APBB2: variants seen among roughly 807,000 people sequenced by gnomAD.
APBB2 encodes the protein amyloid beta precursor protein binding family B member 2, also known as Fe65-like 1.
Under a neutral mutation model 82.5 loss-of-function variants are expected in APBB2, and 38 were observed. The observed-to-expected ratio is 0.46, with a 90% CI of 0.36 to 0.60. The LOEUF is 0.60. Among genes scored for constraint, APBB2 ranks in the 20% least tolerant of loss-of-function variants. The probability of loss-of-function intolerance (pLI) is 0.00; values close to 1 mark genes in which losing one functional copy is unlikely to be tolerated. For missense variants in APBB2, 772 were observed against 972.3 expected (o/e 0.79, Z 2.74); for synonymous variants, 341 against 368.2 (o/e 0.93, Z 0.85).
At chr4:41,014,445 T>C (rs560266493) in intron 5 of APBB2, 47 bp from the exon 6 acceptor site, 2 of 1,508,530 alleles carry the variant, frequency 1.3e-6, no homozygotes, top group Admixed American at 1.8e-5. Context: ...TTAAACTACT[T>C]AGTATACAGT....
rs779269980 is a variant in APBB2 at position 40,945,066 on chromosome 4, T to C, written c.843A>G (p.Ile281Met). ...CAGTCTGAAATGAGTGATCACTCCATATATCTGCTGAAAAATTGGGGGGCG... is the reference window on the plus strand; with the variant it reads ...CAGTCTGAAATGAGTGATCACTCCACATATCTGCTGAAAAATTGGGGGGCG... ...SPSSPDETAD[I>M]WSDHSFQTDP... Residue 281 changes from isoleucine (I) to methionine (M), a missense_variant, in exon 7 of 18, where the codon ATA (isoleucine) becomes ATG (methionine). By Grantham distance (10) the Ile-to-Met change is conservative. Transcript: ENST00000508593. 11 of 1,374,582 alleles carry C rather than the reference T, an allele frequency of 8.0e-6. No individual in the cohort carries two copies. In the Admixed American group the frequency reaches 1.4e-4, roughly 17 times the overall value. The allele number at this position is 1,374,582 out of a possible 1,614,324, so 85.1% of individuals were successfully genotyped here. A position where few individuals can be genotyped will look rare whatever the true frequency, so the allele number is the denominator to read the frequency against.
At chr4:41,046,065 T>C (rs181009055) in intron 4 of APBB2, among the ~76,000 whole-genome samples, 15 of 152,328 alleles carry the variant, frequency 9.8e-5, no homozygotes, top group Non-Finnish European at 1.9e-4. Flanking sequence ...ATAGATACCA[T>C]ATATCTTTAA....
intron 2 of APBB2, among the ~76,000 whole-genome samples, chr4:41,137,182 T>C (rs1195013518): frequency 1.3e-5 from 2 of 152,220 alleles, no homozygotes; most frequent in African/African-American, 4.8e-5. Context: ...GTTTTCTATT[T>C]AGTAAAATAA....
At chr4:41,048,995 C>G (rs962488922) in intron 4 of APBB2, among the ~76,000 whole-genome samples, 1 of 152,076 alleles carries the variant, frequency 6.6e-6, no homozygotes, top group African/African-American at 2.4e-5. Context: ...AGTGCAGTGG[C>G]GTGATCTCGG....
At chr4:41,036,275 G>A (rs1719129612) in intron 4 of APBB2, among the ~76,000 whole-genome samples, 2 of 152,194 alleles carry the variant, frequency 1.3e-5, no homozygotes, top group Non-Finnish European at 2.9e-5. Flanking sequence ...TCTGAAGGGA[G>A]TCTTGGAACC....
At position 41,199,875 on chromosome 4, in the gene APBB2, C is replaced by T. The variant is rs571003133; in HGVS notation, c.-417+14530G>A. Among the ~76,000 whole-genome samples, 32 of 152,266 alleles carry T rather than the reference C, an allele frequency of 2.1e-4. 1 individual carries two copies. The South Asian group carries it at 6.6e-3, about 32-fold the overall frequency. On this transcript the variant is annotated intron_variant, in intron 1 of 17. Coordinates refer to ENST00000508593, the MANE Select transcript of APBB2 (RefSeq NM_004307.2). ...GTTCACTTCTAAATCATGAGAAATACATTCACCATGCACTGGCAGCCTGAT... is the reference window on the plus strand; with the variant it reads ...GTTCACTTCTAAATCATGAGAAATATATTCACCATGCACTGGCAGCCTGAT...
At chr4:40,916,406 T>C (rs1244638792) in intron 10 of APBB2, among the ~76,000 whole-genome samples, 1 of 152,242 alleles carries the variant, frequency 6.6e-6, no homozygotes, top group Non-Finnish European at 1.5e-5. Flanking sequence ...TTGGCAAGCC[T>C]GTTCCAGAAG....
At chr4:41,018,687 G>A (rs948857295) in intron 5 of APBB2, among the ~76,000 whole-genome samples, 2 of 152,188 alleles carry the variant, frequency 1.3e-5, no homozygotes, top group African/African-American at 4.8e-5. Context: ...AAGAAGTAAT[G>A]TAGACCAGGC....
chr4:40,849,611 G>A (rs1360761436), intron 12 of APBB2, among the ~76,000 whole-genome samples: 2 of 152,096 alleles, frequency 1.3e-5, no homozygotes, highest in Non-Finnish European at 2.9e-5. Context: ...CTGCCCTTTG[G>A]GGAGCCCACA....
chr4:40,984,387 G>C (rs1283485164), intron 6 of APBB2, among the ~76,000 whole-genome samples: 2 of 151,974 alleles, frequency 1.3e-5, no homozygotes, highest in South Asian at 4.2e-4. Flanking sequence ...TAATTTCTGA[G>C]AAAAACAGAA....
intron 12 of APBB2, among the ~76,000 whole-genome samples, chr4:40,839,448 G>A (rs1755087229): frequency 6.6e-6 from 1 of 151,928 alleles, no homozygotes; most frequent in African/African-American, 2.4e-5. Flanking sequence ...CTGTTGTTGG[G>A]ATTCCTTACC....
rs150552215 is a variant in APBB2, at chr4:41,046,957, A to G, written c.-50-13653T>C. On this transcript the variant is annotated intron_variant, in intron 4 of 17. Coordinates refer to ENST00000508593, the MANE Select transcript of APBB2 (RefSeq NM_004307.2). ...ACCTGGTTCAATTTTGTCACCTGTTAATTTTTCTTAGAAAAACTCATCATT... is the reference window on the plus strand; with the variant it reads ...ACCTGGTTCAATTTTGTCACCTGTTGATTTTTCTTAGAAAAACTCATCATT... 2.4e-3 allele frequency among the ~76,000 whole-genome samples: 365 copies of G among 152,330 alleles called. 1 individual carries two copies. Among genetic ancestry groups the G allele is most frequent in the African/African-American group, 8.3e-3 (346 of 41,586 alleles).
chr4:40,963,065 C>T (rs1321573037), intron 6 of APBB2, among the ~76,000 whole-genome samples: 3 of 152,260 alleles, frequency 2.0e-5, no homozygotes, highest in South Asian at 4.2e-4. Context: ...ATCTAAGCCT[C>T]TCGCTTGTGA....
At chr4:40,936,152 C>T (rs1377197995) in intron 7 of APBB2, among the ~76,000 whole-genome samples, 1 of 152,162 alleles carries the variant, frequency 6.6e-6, no homozygotes, top group Non-Finnish European at 1.5e-5. Context: ...TGAATAATGA[C>T]CCATAACTTT....
intron 2 of APBB2, among the ~76,000 whole-genome samples, chr4:41,122,802 T>TC (rs1753252227): frequency 6.6e-6 from 1 of 152,200 alleles, no homozygotes; most frequent in South Asian, 2.1e-4. Context: ...CCTTTTCGTC[T>TC]CTCCCAGAAT....
intron 1 of APBB2, among the ~76,000 whole-genome samples, chr4:41,145,655 C>G (rs530142013): frequency 1.2e-4 from 18 of 152,318 alleles, no homozygotes; most frequent in Admixed American, 7.8e-4. Flanking sequence ...CAGAAACTGC[C>G]TATCACACCG....
intron 1 of APBB2, among the ~76,000 whole-genome samples, chr4:41,168,357 A>G (rs1288322027): frequency 1.3e-5 from 2 of 151,662 alleles, no homozygotes; most frequent in African/African-American, 4.8e-5. Context: ...TGAAGCCAAC[A>G]TTTTTTTAAT....
At chr4:41,140,823 G>A (rs13113794) in intron 2 of APBB2, among the ~76,000 whole-genome samples, 2 of 152,064 alleles carry the variant, frequency 1.3e-5, no homozygotes, top group African/African-American at 4.8e-5. Context: ...CTTCCTATGA[G>A]AATGTAATGC....
At chr4:41,168,520 A>G (rs1767348889) in intron 1 of APBB2, among the ~76,000 whole-genome samples, 1 of 152,070 alleles carries the variant, frequency 6.6e-6, no homozygotes. Context: ...ACAATTTTAA[A>G]TAATGGGCTT....
Sources: gnomAD v4.1 joint callset for allele counts (sites outside exome capture counted in the v4.1 genomes callset) on GRCh38, gnomAD v4.1.1 for gene constraint, MANE v1.5 for transcripts, NCBI Gene and HGNC (gene_info 2026-07-23, HGNC 2026-07-21) for gene names.